Variants in BAZ2B observed in about 807,000 individuals in gnomAD.
BAZ2B encodes the protein bromodomain adjacent to zinc finger domain 2B, also known as bromodomain adjacent to zinc finger domain protein 2B.
In BAZ2B, 91 loss-of-function variants were observed where a neutral mutation model predicts 246.0. That is an observed-to-expected ratio of 0.37 (90% CI 0.31 to 0.44). The LOEUF (loss-of-function observed/expected upper bound fraction) is 0.44. Among genes scored for constraint, BAZ2B ranks in the 20% least tolerant of loss-of-function variants. BAZ2B has a pLI of 1.00. For synonymous variants in BAZ2B, 855 were observed against 860.0 expected (o/e 0.99, Z 0.10); for missense variants, 2,332 against 2,533.7 (o/e 0.92, Z 1.71).
At chr2:159,436,340 C>T (rs1164892690) in intron 8 of BAZ2B, among the ~76,000 whole-genome samples, 1 of 152,102 alleles carries the variant, frequency 6.6e-6, no homozygotes, top group Non-Finnish European at 1.5e-5. Context: ...TATTTTATCC[C>T]AATTACTCTT....
At chr2:159,652,816 C>T in the BAZ2B span, among the ~76,000 whole-genome samples, 3 of 151,428 alleles carry the variant, frequency 2.0e-5, no homozygotes, top group African/African-American at 7.3e-5. Flanking sequence ...TGGGGTCTCA[C>T]TCTGTAGCCC....
chr2:159,585,537 C>T (rs774255955), intron 1 of BAZ2B, among the ~76,000 whole-genome samples: 11 of 152,262 alleles, frequency 7.2e-5, no homozygotes, highest in South Asian at 2.1e-4. Flanking sequence ...GAATAGCTAT[C>T]AAATCCAACT....
At chr2:159,579,182 C>T (rs1041854763) in intron 1 of BAZ2B, among the ~76,000 whole-genome samples, 2 of 151,426 alleles carry the variant, frequency 1.3e-5, no homozygotes, top group Non-Finnish European at 2.9e-5. Flanking sequence ...GCTAGCAAGA[C>T]TAATAAAGAA....
intron 2 of BAZ2B, among the ~76,000 whole-genome samples, chr2:159,485,707 C>T (rs1246501866): frequency 6.6e-6 from 1 of 151,942 alleles, no homozygotes; most frequent in Non-Finnish European, 1.5e-5. Context: ...CAACTGACCC[C>T]CAAAACCAAC....
At chr2:159,448,175 C>G in intron 5 of BAZ2B, 67 bp downstream of exon 5, 1 of 1,542,162 alleles carries the variant, frequency 6.5e-7, no homozygotes, top group Non-Finnish European at 8.8e-7. Context: ...GGTATTAAAC[C>G]TGAACATTAT....
At chr2:159,465,927 A>G (rs2076984350) in intron 3 of BAZ2B, among the ~76,000 whole-genome samples, 1 of 151,976 alleles carries the variant, frequency 6.6e-6, no homozygotes, top group South Asian at 2.1e-4. Context: ...AAAAAAAAAA[A>G]TTCAAGAGAC....
intron 2 of BAZ2B, among the ~76,000 whole-genome samples, chr2:159,524,319 G>A (rs2084485808): frequency 6.6e-6 from 1 of 152,096 alleles, no homozygotes; most frequent in Non-Finnish European, 1.5e-5. Flanking sequence ...GCCAGGCATG[G>A]TGGTGCGCGC....
intron 22 of BAZ2B, 135 bp from the exon 23 acceptor site, chr2:159,385,504 G>C: frequency 1.4e-6 from 1 of 708,848 alleles, no homozygotes; most frequent in Non-Finnish European, 2.3e-6. Context: ...TTTAATGAAA[G>C]AGACACAAAA....
At chr2:159,524,784 GAAGT>G (rs963009323) in intron 2 of BAZ2B, among the ~76,000 whole-genome samples, 3 of 152,136 alleles carry the variant, frequency 2.0e-5, no homozygotes, top group East Asian at 1.9e-4. Flanking sequence ...GGCGAAGTTA[GAAGT>G]AACTAAGGTT....
intron 13 of BAZ2B, among the ~76,000 whole-genome samples, chr2:159,423,278 T>C (rs1317557452): frequency 1.3e-5 from 2 of 151,902 alleles, no homozygotes; most frequent in Non-Finnish European, 2.9e-5. Flanking sequence ...ATGGCACCAC[T>C]GCACTCCAGC....
Position 159,337,649 on chromosome 2 carries a change from G to A in BAZ2B, c.5578C>T (p.His1860Tyr), listed in dbSNP as rs757228507. 2 of 1,614,080 alleles carry A rather than the reference G, an allele frequency of 1.2e-6. No homozygotes were observed. The highest frequency in any genetic ancestry group is 2.7e-5 in the African/African-American group (2 of 74,942). Residue 1860 changes from histidine to tyrosine, a missense_variant, in exon 32 of 37, where the codon CAT becomes TAT. This residue lies in a region of BAZ2B where 676 missense variants were observed against 668.6 expected (regional missense o/e 1.01). Coordinates refer to ENST00000392783, the MANE Select transcript of BAZ2B (RefSeq NM_013450.4). ...TTGTCACTCTTCCGTTCTAGTGCAT[G>A]TGCACTGCTTTCGTCTTCGCCAGTA... ...EFTGEDESSA[H>Y]ALERKSDNPL...
At chr2:159,680,501 C>T in the BAZ2B span, among the ~76,000 whole-genome samples, 1 of 152,194 alleles carries the variant, frequency 6.6e-6, no homozygotes, top group Non-Finnish European at 1.5e-5. Flanking sequence ...AAAGTCAAAA[C>T]AAACATGTGG....
At chr2:159,415,561 G>A (rs1197323553) in intron 13 of BAZ2B, among the ~76,000 whole-genome samples, 2 of 151,946 alleles carry the variant, frequency 1.3e-5, no homozygotes, top group Non-Finnish European at 2.9e-5. Flanking sequence ...TCAGATATAG[G>A]AGACATCTTT....
At chr2:159,689,703 G>T in the BAZ2B span, 1 of 390,898 alleles carries the variant, frequency 2.6e-6, no homozygotes, top group South Asian at 2.7e-5. Context: ...AAGAAATCAT[G>T]GAGACGATAA....
chr2:159,546,246 G>A (rs1433891836), intron 2 of BAZ2B, among the ~76,000 whole-genome samples: 1 of 151,832 alleles, frequency 6.6e-6, no homozygotes, highest in East Asian at 1.9e-4. Flanking sequence ...TACGGGGGCG[G>A]GTCCTTCGTG....
intron 27 of BAZ2B, among the ~76,000 whole-genome samples, chr2:159,371,235 TG>T (rs996573964): frequency 8.5e-5 from 13 of 152,254 alleles, no homozygotes; most frequent in African/African-American, 2.9e-4. Flanking sequence ...CTCTGTTTCC[TG>T]GGTTCAAGCG....
At chr2:159,696,370 G>A in the BAZ2B span, among the ~76,000 whole-genome samples, 1 of 152,106 alleles carries the variant, frequency 6.6e-6, no homozygotes, top group Non-Finnish European at 1.5e-5. Flanking sequence ...TGTCTTGCAG[G>A]ATCCTAAATT....
intron 3 of BAZ2B, chr2:159,462,096 A>T: frequency 3.9e-6 from 1 of 256,440 alleles, no homozygotes; most frequent in South Asian, 4.9e-5. Context: ...TGGCTAGGAA[A>T]CTTTTTTAAA....
At chr2:159,699,619 G>A in the BAZ2B span, among the ~76,000 whole-genome samples, 2 of 152,178 alleles carry the variant, frequency 1.3e-5, no homozygotes, top group South Asian at 2.1e-4. Context: ...CAATAAATCA[G>A]TGGAAAAATG....
Sources: allele counts gnomAD v4.1 joint callset (sites outside exome capture counted in the v4.1 genomes callset), GRCh38; gene constraint gnomAD v4.1.1; regional missense constraint gnomAD v4.1.1; transcripts MANE v1.5; gene names NCBI Gene and HGNC (gene_info 2026-07-23, HGNC 2026-07-21).